The following DCC variants were observed in gnomAD, a reference collection of about 807,000 sequenced individuals.
DCC encodes the protein DCC netrin 1 receptor.
A neutral mutation model predicts 172.5 loss-of-function variants in DCC; 58 were observed. The observed-to-expected ratio is 0.34, with a 90% CI of 0.27 to 0.42. The LOEUF (loss-of-function observed/expected upper bound fraction) is 0.42, where lower values mean the gene tolerates loss of function less well. Ranked by LOEUF, DCC falls within the 10% of genes least tolerant of loss-of-function variation. The pLI is 1.00. For missense variants in DCC, 1,740 were observed against 1,791.0 expected, an observed-to-expected ratio of 0.97 and a Z score of 0.51; for synonymous variants, 709 against 644.5, an observed-to-expected ratio of 1.10 and a Z score of -1.52.
At chr18:53,457,554 G>A (rs2045499053) in intron 23 of DCC, among the ~76,000 whole-genome samples, 2 of 152,160 alleles carry the variant, frequency 1.3e-5, no homozygotes, top group Admixed American at 6.5e-5. Flanking sequence ...AGAGATAACA[G>A]GGTGAAACAT....
intron 1 of DCC, among the ~76,000 whole-genome samples, chr18:52,394,714 T>TA (rs1365053089): frequency 3.3e-5 from 5 of 152,078 alleles, no homozygotes; most frequent in African/African-American, 9.7e-5. Flanking sequence ...TGAACACCTG[T>TA]ACTAGGCTTA....
intron 7 of DCC, among the ~76,000 whole-genome samples, chr18:53,152,291 A>G (rs565416859): frequency 6.6e-6 from 1 of 152,300 alleles, no homozygotes; most frequent in East Asian, 1.9e-4. Flanking sequence ...CATATACATC[A>G]TAGGGAATGA....
intron 27 of DCC, among the ~76,000 whole-genome samples, chr18:53,504,846 G>A (rs1036917329): frequency 3.3e-5 from 5 of 152,194 alleles, no homozygotes; most frequent in Non-Finnish European, 5.9e-5. Flanking sequence ...GCCTAAAAAC[G>A]TTAGGTAGCT....
chr18:52,854,475 C>T (rs2039021570), intron 2 of DCC, among the ~76,000 whole-genome samples: 1 of 152,098 alleles, frequency 6.6e-6, no homozygotes, highest in Non-Finnish European at 1.5e-5. Flanking sequence ...AGGAGTAAAC[C>T]TACCATGAAG....
intron 2 of DCC, among the ~76,000 whole-genome samples, chr18:52,872,583 T>C (rs1294925506): frequency 1.3e-5 from 2 of 152,216 alleles, no homozygotes; most frequent in African/African-American, 4.8e-5. Context: ...GCCAAATCAC[T>C]TTATAAAAAG....
intron 11 of DCC, among the ~76,000 whole-genome samples, 156 bp from the exon 12 acceptor site, chr18:53,215,392 T>A (rs748774785): frequency 1.5e-4 from 23 of 152,174 alleles, no homozygotes; most frequent in Non-Finnish European, 2.6e-4. Context: ...TTATTTTTCA[T>A]CTCTCCAAAA....
intron 12 of DCC, among the ~76,000 whole-genome samples, chr18:53,274,517 G>A (rs928907575): frequency 2.6e-5 from 4 of 152,132 alleles, no homozygotes; most frequent in African/African-American, 4.8e-5. Context: ...GACATCACAC[G>A]ATTTGCCTCT....
rs759771216 is a variant in DCC, at chr18:52,797,919, A to T, written c.412+45545A>T. 5.1e-4 allele frequency among the ~76,000 whole-genome samples: 77 copies of T among 151,970 alleles called. 1 individual carries two copies. Among genetic ancestry groups the T allele is most frequent in the Non-Finnish European group, 1.0e-4 (7 of 67,962 alleles). On this transcript the variant is annotated intron_variant, in intron 2 of 28. Transcript: ENST00000442544. The stretch of plus-strand genomic sequence containing the variant: ...AACACATGTGGGCAATAGCAGTTGC[A>T]GTGGTGTGTGAGGCAGGCCTGTTCT...
chr18:53,483,958 CATAGATAG>C (rs56285631), intron 25 of DCC, among the ~76,000 whole-genome samples: 33,498 of 144,376 alleles, frequency 0.23, 3,877 homozygotes, highest in Middle Eastern at 0.26. Context: ...CCTATGTTTG[CATAGATAG>C]ATAGATAGAT....
chr18:52,571,478 T>C (rs2033291239), intron 1 of DCC, among the ~76,000 whole-genome samples: 1 of 152,118 alleles, frequency 6.6e-6, no homozygotes, highest in South Asian at 2.1e-4. Context: ...AGAAAATTGA[T>C]AGAACAAAAC....
At chr18:52,689,213 CA>C (rs1366813033) in intron 1 of DCC, among the ~76,000 whole-genome samples, 2 of 152,094 alleles carry the variant, frequency 1.3e-5, no homozygotes, top group African/African-American at 4.8e-5. Flanking sequence ...GACTAAATCA[CA>C]CGAAACAACT....
Position 52,936,501 on chromosome 18 carries a change from A to G in DCC, c.985+11131A>G, listed in dbSNP as rs969625691. Among the ~76,000 whole-genome samples the G allele has an allele frequency of 3.8e-4, 46 of 121,764 alleles. 7 individuals are homozygous for G. Among genetic ancestry groups the G allele is most frequent in the African/African-American group, 1.2e-3 (41 of 35,108 alleles). The allele number at this position is 121,764 out of a possible 152,430, so 79.9% of individuals were successfully genotyped here. A position where few individuals can be genotyped will look rare whatever the true frequency, so the allele number is the denominator to read the frequency against. On this transcript the variant is annotated intron_variant, in intron 5 of 28. Coordinates refer to ENST00000442544, the MANE Select transcript of DCC (RefSeq NM_005215.4). ...GAAAATAATGTGAGCATTGCTTTGCATATATTATTGAGATGATGATGAGTC... is the reference window on the plus strand; with the variant it reads ...GAAAATAATGTGAGCATTGCTTTGCGTATATTATTGAGATGATGATGAGTC...
chr18:53,196,434 G>C (rs2055443830), intron 9 of DCC, among the ~76,000 whole-genome samples: 1 of 152,184 alleles, frequency 6.6e-6, no homozygotes, highest in Admixed American at 6.5e-5. Context: ...GGTTGTGTTA[G>C]TGAAAAATCT....
At chr18:53,032,625 C>T (rs566459655) in intron 5 of DCC, among the ~76,000 whole-genome samples, 2 of 152,244 alleles carry the variant, frequency 1.3e-5, no homozygotes, top group East Asian at 1.9e-4. Context: ...CAAGTTTCCA[C>T]ACTTAATAAT....
intron 2 of DCC, among the ~76,000 whole-genome samples, chr18:52,803,004 G>A (rs2038022516): frequency 6.6e-6 from 1 of 152,132 alleles, no homozygotes. Flanking sequence ...GATTAATACT[G>A]TAGGTTTATA....
chr18:52,869,267 G>A (rs2039279964), intron 2 of DCC, among the ~76,000 whole-genome samples: 1 of 152,210 alleles, frequency 6.6e-6, no homozygotes, highest in Non-Finnish European at 1.5e-5. Context: ...CAATAGAAAA[G>A]CTCAGAGGAG....
chr18:53,380,810 C>G (rs1907670672), intron 15 of DCC, among the ~76,000 whole-genome samples: 1 of 152,086 alleles, frequency 6.6e-6, no homozygotes, highest in Non-Finnish European at 1.5e-5. Context: ...ATTCTTATAC[C>G]AGTTACAAGT....
intron 1 of DCC, among the ~76,000 whole-genome samples, chr18:52,342,613 T>G (rs1051604427): frequency 4.6e-5 from 7 of 152,262 alleles, no homozygotes; most frequent in African/African-American, 1.7e-4. Flanking sequence ...GGGAGACCTA[T>G]GCGGACGGGA....
chr18:53,022,821 A>G (rs1318772521), intron 5 of DCC, among the ~76,000 whole-genome samples: 2 of 151,962 alleles, frequency 1.3e-5, no homozygotes, highest in Non-Finnish European at 2.9e-5. Context: ...TGATGACTGT[A>G]AAAAAATCCT....
Sources: gnomAD v4.1 joint callset for allele counts (sites outside exome capture counted in the v4.1 genomes callset) on GRCh38, gnomAD v4.1.1 for gene constraint, MANE v1.5 for transcripts, NCBI Gene and HGNC (gene_info 2026-07-23, HGNC 2026-07-21) for gene names.